OTUD7B: variants seen among roughly 807,000 people sequenced by gnomAD.
OTUD7B encodes the protein OTU deubiquitinase 7B, also known as OTU domain-containing protein 7B.
A neutral mutation model predicts 82.2 loss-of-function variants in OTUD7B; 34 were observed. The ratio of observed to expected loss-of-function variants is 0.41; its 90% confidence interval spans 0.31 to 0.55. The LOEUF (loss-of-function observed/expected upper bound fraction) is 0.55, where lower values mean the gene tolerates loss of function less well. OTUD7B is among the 20% of genes least tolerant of loss of function. The probability of loss-of-function intolerance (pLI) is 0.20; values close to 1 mark genes in which losing one functional copy is unlikely to be tolerated. For missense variants in OTUD7B, 944 were observed against 1,062.1 expected (o/e 0.89, Z 1.55); for synonymous variants, 398 against 402.7 (o/e 0.99, Z 0.14).
chr1:149,999,885 T>A (rs587651208), intron 1 of OTUD7B, among the ~76,000 whole-genome samples: 1 of 152,212 alleles, frequency 6.6e-6, no homozygotes, highest in Non-Finnish European at 1.5e-5. Flanking sequence ...AAGGCACTAG[T>A]AGACTAACTC....
chr1:149,944,590 C>T lies in OTUD7B; in HGVS notation c.1799G>A (p.Arg600Lys), dbSNP rs201692455. The T allele has an allele frequency of 4.5e-5, 73 of 1,614,146 alleles. No homozygotes were observed. In the Admixed American group the frequency reaches 1.2e-3, roughly 27 times the overall value. ...CTTCCCCTCCCCTTGCATGGCAGTC[C>T]TCAGAATGCTCAGGCTCTGCATCAC... The part of the protein sequence containing the change: ...QEVMQSLSIL[R>K]TAMQGEGKFI... The change falls in exon 12 of 12, where the codon AGG becomes AAG. Residue 600 changes from arginine to lysine, a missense_variant. This residue lies in a region of OTUD7B where 412 missense variants were observed against 418.7 expected (regional missense o/e 0.98). Transcript: ENST00000581312.
chr1:149,954,828 A>G (rs1277194898), intron 7 of OTUD7B, among the ~76,000 whole-genome samples: 2 of 152,082 alleles, frequency 1.3e-5, no homozygotes, highest in Non-Finnish European at 2.9e-5. Context: ...GTTTAATTGT[A>G]TTGAGGTGTT....
At chr1:149,974,541 T>TC (rs1650161319) in intron 2 of OTUD7B, among the ~76,000 whole-genome samples, 7 of 143,048 alleles carry the variant, frequency 4.9e-5, no homozygotes, top group East Asian at 2.1e-4. Flanking sequence ...TCTTTTTTTT[T>TC]CTTAGTTAAC....
chr1:150,041,171 C>A, the OTUD7B span, among the ~76,000 whole-genome samples: 2 of 151,744 alleles, frequency 1.3e-5, no homozygotes, highest in East Asian at 3.9e-4. Flanking sequence ...GATTCCCCAC[C>A]TCTTTTTGAG....
At chr1:149,945,302 G>A (rs944419018) in intron 11 of OTUD7B, among the ~76,000 whole-genome samples, 2 of 152,150 alleles carry the variant, frequency 1.3e-5, no homozygotes, top group Admixed American at 1.3e-4. Context: ...CACCCAGGAT[G>A]GCACTGTCCT....
At chr1:150,060,915 C>T in the OTUD7B span, among the ~76,000 whole-genome samples, 1 of 152,068 alleles carries the variant, frequency 6.6e-6, no homozygotes, top group South Asian at 2.1e-4. Flanking sequence ...TATTTTTTCT[C>T]TTTTCTTTTC....
chr1:149,985,339 T>A (rs1285398515), intron 1 of OTUD7B, among the ~76,000 whole-genome samples: 1 of 151,382 alleles, frequency 6.6e-6, no homozygotes, highest in African/African-American at 2.4e-5. Flanking sequence ...ACCTGGGAGG[T>A]GGAGGTTGAG....
intron 3 of OTUD7B, among the ~76,000 whole-genome samples, chr1:149,970,135 T>C (rs1559844942): frequency 6.6e-6 from 1 of 151,348 alleles, no homozygotes; most frequent in Non-Finnish European, 1.5e-5. Context: ...TAATGGACAT[T>C]AAATGTTTTC....
the OTUD7B span, among the ~76,000 whole-genome samples, chr1:150,060,284 A>G: frequency 3.9e-5 from 6 of 152,148 alleles, no homozygotes; most frequent in African/African-American, 1.2e-4. Flanking sequence ...ATGGGATTGC[A>G]TTTGGAGAAA....
the OTUD7B span, among the ~76,000 whole-genome samples, chr1:150,055,629 A>T: frequency 3.9e-5 from 6 of 152,224 alleles, no homozygotes; most frequent in Admixed American, 6.5e-5. Flanking sequence ...AAGACATGGA[A>T]TCAAACTAAA....
chr1:150,035,177 C>T, the OTUD7B span, among the ~76,000 whole-genome samples: 1 of 151,242 alleles, frequency 6.6e-6, no homozygotes, highest in East Asian at 1.9e-4. Context: ...ATTTAGAGTA[C>T]TAATACAGTA....
In OTUD7B at chr1:149,938,134, G is replaced by C. The variant is rs1266064098; in HGVS notation, c.*5723C>G. On this transcript the variant is annotated 3_prime_UTR_variant, in exon 12 of 12. Transcript: ENST00000581312. ...GCATTCCATGGGCCTCAACCTCTTGGGGGAAGAAAATATTTCCCAAGGTCT... is the reference window on the plus strand; with the variant it reads ...GCATTCCATGGGCCTCAACCTCTTGCGGGAAGAAAATATTTCCCAAGGTCT... 2.0e-5 allele frequency: 3 copies of C among 152,140 alleles called. No homozygotes were observed. Among genetic ancestry groups the C allele is most frequent in the Admixed American group, 2.0e-4 (3 of 15,222 alleles). 9.4% of individuals were successfully genotyped at this position (152,140 alleles called of 1,614,324 possible).
rs957404394 is a variant in OTUD7B at position 150,010,480 on chromosome 1, G to T, written c.-99C>A. 6.6e-6 allele frequency: 1 copy of T among 152,520 alleles called. No homozygotes were observed. Among genetic ancestry groups the T allele is most frequent in the Non-Finnish European group, 1.5e-5 (1 of 68,114 alleles). The allele number at this position is 152,520 out of a possible 1,614,324, so 9.4% of individuals were successfully genotyped here. ...GGCTCCCGGGGCAAGGCCCTAGGCC[G>T]GGGCGGAGCGCGGGGCCCGGCCGCC... On this transcript the variant is annotated 5_prime_UTR_variant, in exon 1 of 12. Coordinates refer to ENST00000581312, the MANE Select transcript of OTUD7B (RefSeq NM_020205.4).
intron 1 of OTUD7B, among the ~76,000 whole-genome samples, chr1:150,004,061 A>T (rs1338524544): frequency 1.3e-5 from 2 of 151,856 alleles, no homozygotes; most frequent in Non-Finnish European, 2.9e-5. Context: ...ACCCTTCTTC[A>T]TCTCCCACAT....
intron 7 of OTUD7B, among the ~76,000 whole-genome samples, chr1:149,957,699 C>A (rs755258044): frequency 6.6e-5 from 10 of 152,344 alleles, no homozygotes; most frequent in African/African-American, 1.9e-4. Context: ...TCGAGCTTCC[C>A]GGCCGCTTTG....
chr1:150,037,249 C>CTTT, the OTUD7B span, among the ~76,000 whole-genome samples: 4,327 of 146,930 alleles, frequency 0.029, 123 homozygotes, highest in African/African-American at 0.077. Context: ...AAAATACCCT[C>CTTT]TTTTTTTTTT....
intron 1 of OTUD7B, among the ~76,000 whole-genome samples, chr1:149,984,333 A>T (rs1650989805): frequency 6.6e-6 from 1 of 152,178 alleles, no homozygotes; most frequent in South Asian, 2.1e-4. Flanking sequence ...CTTCCCTGCA[A>T]ATCTCCTTGT....
At chr1:149,988,504 T>C (rs1651347010) in intron 1 of OTUD7B, among the ~76,000 whole-genome samples, 1 of 152,178 alleles carries the variant, frequency 6.6e-6, no homozygotes, top group Admixed American at 6.5e-5. Context: ...AATTGGCATT[T>C]GTCTCTTCAG....
chr1:150,026,423 T>C, the OTUD7B span, among the ~76,000 whole-genome samples: 1 of 152,246 alleles, frequency 6.6e-6, no homozygotes, highest in Admixed American at 6.5e-5. Context: ...TTGGAGAGAA[T>C]GGTTCTCTCC....
Sources: allele counts gnomAD v4.1 joint callset (sites outside exome capture counted in the v4.1 genomes callset), GRCh38; gene constraint gnomAD v4.1.1; regional missense constraint gnomAD v4.1.1; transcripts MANE v1.5; gene names NCBI Gene and HGNC (gene_info 2026-07-23, HGNC 2026-07-21).